The following RAB39A variants were observed in gnomAD, a reference collection of about 807,000 sequenced individuals.
RAB39A encodes the protein RAB39A, member RAS oncogene family.
RAB39A carries 17 observed loss-of-function variants against 20.9 expected under a neutral mutation model. That is an observed-to-expected ratio of 0.81 (90% CI 0.56 to 1.22). The LOEUF is 1.22. RAB39A is among the 50% of genes most tolerant of loss of function. RAB39A has a pLI of 0.00. For synonymous variants in RAB39A, 99 were observed against 103.4 expected (o/e 0.96, Z 0.26); for missense variants, 234 against 270.5 (o/e 0.87, Z 0.95).
intron 1 of RAB39A, among the ~76,000 whole-genome samples, chr11:107,959,932 T>C (rs888402199): frequency 6.6e-6 from 1 of 152,132 alleles, no homozygotes; most frequent in African/African-American, 2.4e-5. Context: ...TAATCCAATA[T>C]TGGCCGCGGT....
intron 1 of RAB39A, among the ~76,000 whole-genome samples, chr11:107,944,308 T>C (rs1049991567): frequency 3.3e-5 from 5 of 152,038 alleles, no homozygotes; most frequent in Non-Finnish European, 5.9e-5. Flanking sequence ...CCAAATTTAG[T>C]GTCATGGCCA....
At chr11:107,933,633 A>G (rs773456048) in intron 1 of RAB39A, among the ~76,000 whole-genome samples, 6 of 150,706 alleles carry the variant, frequency 4.0e-5, no homozygotes, top group Non-Finnish European at 5.9e-5. Flanking sequence ...CGGCCTCCCA[A>G]AGTGCTGGGA....
rs200677795 is a variant in RAB39A at position 107,937,358 on chromosome 11, T to C, written c.227+8563T>C. 7.9e-5 allele frequency among the ~76,000 whole-genome samples: 12 copies of C among 152,094 alleles called. No individual in the cohort carries two copies. In the East Asian group the frequency reaches 2.3e-3, roughly 29 times the overall value. On this transcript the variant is annotated intron_variant, in intron 1 of 1. Coordinates refer to ENST00000320578, the MANE Select transcript of RAB39A (RefSeq NM_017516.3). The stretch of plus-strand genomic sequence containing the variant: ...TCTCGCTGTATTGCCCAGGCTGGTT[T>C]TGAACTTCTTGCTTCAAGTGATCCT...
chr11:107,929,795 T>A (rs1297548986), intron 1 of RAB39A, among the ~76,000 whole-genome samples: 4 of 152,188 alleles, frequency 2.6e-5, no homozygotes, highest in South Asian at 2.1e-4. Flanking sequence ...AAATTTTAAA[T>A]GTCTAGGATT....
intron 1 of RAB39A, among the ~76,000 whole-genome samples, chr11:107,930,250 T>A (rs1861122281): frequency 6.6e-6 from 1 of 152,192 alleles, no homozygotes; most frequent in Non-Finnish European, 1.5e-5. Context: ...TCAAGAAGCC[T>A]CCTTTTATTA....
intron 1 of RAB39A, among the ~76,000 whole-genome samples, chr11:107,960,982 A>G (rs1861490632): frequency 6.6e-6 from 1 of 152,112 alleles, no homozygotes; most frequent in Non-Finnish European, 1.5e-5. Flanking sequence ...AGGCCTAGAG[A>G]AGGATGGAGA....
intron 1 of RAB39A, among the ~76,000 whole-genome samples, chr11:107,946,408 G>A (rs1268677826): frequency 7.0e-4 from 8 of 11,440 alleles, no homozygotes; most frequent in Non-Finnish European, 1.1e-3. Flanking sequence ...GTGTGTGTGT[G>A]TGTGTGTGTG....
intron 1 of RAB39A, among the ~76,000 whole-genome samples, chr11:107,950,462 A>T (rs1457287307): frequency 2.0e-5 from 3 of 151,964 alleles, no homozygotes; most frequent in South Asian, 2.1e-4. Flanking sequence ...AACACTAGGG[A>T]TACAAAGTTT....
At chr11:107,939,392 G>A (rs1355896560) in intron 1 of RAB39A, among the ~76,000 whole-genome samples, 1 of 151,386 alleles carries the variant, frequency 6.6e-6, no homozygotes, top group Non-Finnish European at 1.5e-5. Flanking sequence ...AGATCACAAG[G>A]TCAGGAGATC....
At chr11:107,933,373 CTTTCTTTTT>C (rs1861159183) in intron 1 of RAB39A, among the ~76,000 whole-genome samples, 1 of 47,142 alleles carries the variant, frequency 2.1e-5, no homozygotes, top group East Asian at 6.4e-4. Context: ...CTTTTTTATT[CTTTCTTTTT>C]TTTTTTTTTT....
rs1406881750 is a variant in RAB39A at position 107,928,586 on chromosome 11, C to T, written c.18C>T (p.Ile6=). METIW[I]YQFRLIVIGD... The stretch of plus-strand genomic sequence containing the variant: ...CGTGAGCGATGGAGACCATCTGGAT[C>T]TACCAGTTCCGCCTCATCGTGATCG... The change falls in exon 1 of 2, where the codon ATC becomes ATT. Residue 6 remains isoleucine, a synonymous_variant. Transcript: ENST00000320578. This position sits in a 1 kb window ranked among gnomAD's most constrained non-coding sequence, Gnocchi z 4.9. 1 of 1,566,744 alleles carries T rather than the reference C, an allele frequency of 6.4e-7. No homozygotes were observed. Among genetic ancestry groups the T allele is most frequent in the Non-Finnish European group, 8.7e-7 (1 of 1,147,492 alleles).
chr11:107,944,457 A>G (rs1861289806), intron 1 of RAB39A, among the ~76,000 whole-genome samples: 1 of 152,126 alleles, frequency 6.6e-6, no homozygotes, highest in African/African-American at 2.4e-5. Context: ...AAGAAAGAAA[A>G]TAATCTCGGC....
intron 1 of RAB39A, among the ~76,000 whole-genome samples, chr11:107,930,778 C>A (rs896965585): frequency 6.6e-6 from 1 of 151,854 alleles, no homozygotes; most frequent in Admixed American, 6.6e-5. Flanking sequence ...ATCGCTTGAA[C>A]CTGGGAGGCA....
chr11:107,935,443 C>T (rs1444567075), intron 1 of RAB39A, among the ~76,000 whole-genome samples: 7 of 150,638 alleles, frequency 4.6e-5, no homozygotes, highest in African/African-American at 1.2e-4. Context: ...GGTGCGATCT[C>T]GGCTCACTGC....
chr11:107,934,774 C>T (rs907678312), intron 1 of RAB39A, among the ~76,000 whole-genome samples: 2 of 151,428 alleles, frequency 1.3e-5, no homozygotes, highest in African/African-American at 2.4e-5. Flanking sequence ...ACTAAAAATA[C>T]AAAAATTAGC....
intron 1 of RAB39A, among the ~76,000 whole-genome samples, chr11:107,951,635 T>TTTTTTC (rs1424773221): frequency 6.7e-6 from 1 of 149,898 alleles, no homozygotes; most frequent in Non-Finnish European, 1.5e-5. Context: ...TTTTTTTTTT[T>TTTTTTC]TGGAGACACG....
chr11:107,938,941 T>A (rs545073276), intron 1 of RAB39A, among the ~76,000 whole-genome samples: 2 of 152,180 alleles, frequency 1.3e-5, no homozygotes, highest in African/African-American at 4.8e-5. Flanking sequence ...TGCATTAGTC[T>A]GTGTAGGTAA....
At chr11:107,945,921 C>T (rs1248220505) in intron 1 of RAB39A, among the ~76,000 whole-genome samples, 1 of 152,092 alleles carries the variant, frequency 6.6e-6, no homozygotes, top group African/African-American at 2.4e-5. Context: ...TGTCTAGCCC[C>T]CTTTCTCCAC....
intron 1 of RAB39A, among the ~76,000 whole-genome samples, chr11:107,956,758 G>A (rs74862069): frequency 0.077 from 11,644 of 152,144 alleles, 522 homozygotes; most frequent in African/African-American, 0.13. Context: ...GATTTTCCCC[G>A]GAAACATACA....
Sources: allele counts gnomAD v4.1 joint callset (sites outside exome capture counted in the v4.1 genomes callset), GRCh38; gene constraint gnomAD v4.1.1; non-coding constraint Gnocchi (gnomAD v3.1); transcripts MANE v1.5; gene names NCBI Gene and HGNC (gene_info 2026-07-23, HGNC 2026-07-21).